AKAP1: variants seen among roughly 807,000 people sequenced by gnomAD.
The protein encoded by AKAP1 is A-kinase anchoring protein 1, also known as A-kinase anchor protein 1, mitochondrial.
Under a neutral mutation model 79.8 loss-of-function variants are expected in AKAP1, and 32 were observed. The ratio of observed to expected loss-of-function variants is 0.40; its 90% CI spans 0.30 to 0.54. The LOEUF (loss-of-function observed/expected upper bound fraction) is 0.54. Ranked by LOEUF, AKAP1 falls within the 20% of genes least tolerant of loss-of-function variation. The pLI is 0.47. For synonymous variants in AKAP1, 416 were observed against 466.7 expected, an observed-to-expected ratio of 0.89 and a Z score of 1.40; for missense variants, 961 against 1,138.9, an observed-to-expected ratio of 0.84 and a Z score of 2.25.
At chr17:57,092,298 TCTAA>T (rs1913831796) in intron 1 of AKAP1, 1 of 152,218 alleles carries the variant, frequency 6.6e-6, no homozygotes, top group African/African-American at 2.4e-5. Flanking sequence ...CTCCAGCCCA[TCTAA>T]CTGTTTCTGA....
At chr17:57,107,251 C>T in intron 2 of AKAP1, 73 bp downstream of exon 2, 1 of 1,522,938 alleles carries the variant, frequency 6.6e-7, no homozygotes, top group East Asian at 2.3e-5. Flanking sequence ...GCCAGTCTGC[C>T]TCTCCCTTCT....
Position 57,116,183 on chromosome 17 carries a change from A to T in AKAP1, c.2354A>T (p.Glu785Val). Residue 785 changes from glutamate to valine, a missense_variant, in exon 7 of 11, where the codon GAG becomes GTG. Around this residue, in one of 3 missense-constraint regions of AKAP1, gnomAD observed 629 missense variants for 781.1 expected, o/e 0.81. Transcript: ENST00000337714. ...WRAQVVASYE[E>V]TNEVEIRYVD... ...GCCCAAGTGGTTGCCTCCTACGAGG[A>T]GACCAACGAAGTGGAGATTCGATAC... is the stretch of plus-strand genomic sequence containing the variant. 6.2e-7 allele frequency: 1 copy of T among 1,614,184 alleles called. No homozygotes were observed. The highest frequency in any genetic ancestry group is 8.5e-7 in the Non-Finnish European group (1 of 1,180,036).
chr17:57,095,760 T>A (rs1914073027), intron 1 of AKAP1: 1 of 152,222 alleles, frequency 6.6e-6, no homozygotes. Context: ...ATGTCTTTAC[T>A]GGCTTTTAAG....
Position 57,106,156 on chromosome 17 carries a change from G to A in AKAP1, c.692G>A (p.Ser231Asn). 1 of 1,611,678 alleles carries A rather than the reference G, an allele frequency of 6.2e-7. No homozygotes were observed. Among genetic ancestry groups the A allele is most frequent in the Non-Finnish European group, 8.5e-7 (1 of 1,178,452 alleles). Residue 231 changes from serine (S) to asparagine (N), a missense_variant, in exon 2 of 11, where the codon AGC becomes AAC. Ser to Asn is a conservative substitution (Grantham distance 46). This residue lies in a region of AKAP1 where 224 missense variants were observed against 210.2 expected (regional missense o/e 1.07). Transcript: ENST00000337714. ...GAGCATGTCTTGGAATTGGAGAACA[G>A]CAAGGGCCCCAGCCTGGCCTCTTTA... is the stretch of plus-strand genomic sequence containing the variant. ...SREHVLELEN[S>N]KGPSLASLEG...
chr17:57,115,896 C>G (rs1354467832), intron 6 of AKAP1, among the ~76,000 whole-genome samples: 1 of 152,200 alleles, frequency 6.6e-6, no homozygotes, highest in Non-Finnish European at 1.5e-5. Context: ...GGGCGGCACA[C>G]TTGCTAGGCT....
intron 1 of AKAP1, among the ~76,000 whole-genome samples, chr17:57,103,674 G>A (rs1340953456): frequency 3.3e-5 from 5 of 152,218 alleles, no homozygotes. Context: ...TCAGTTGAAG[G>A]ATTTTTGGTT....
At chr17:57,110,216 G>A in intron 3 of AKAP1, 58 bp downstream of exon 3, 3 of 1,599,298 alleles carry the variant, frequency 1.9e-6, no homozygotes, top group Non-Finnish European at 2.6e-6. Context: ...CCTGGGGCCA[G>A]GGCCATTAGA....
At chr17:57,102,298 T>C (rs1486743015) in intron 1 of AKAP1, among the ~76,000 whole-genome samples, 1 of 152,006 alleles carries the variant, frequency 6.6e-6, no homozygotes, top group Non-Finnish European at 1.5e-5. Flanking sequence ...GATTTCAGAG[T>C]TGTAGGATGT....
chr17:57,095,702 T>G (rs1328453728), intron 1 of AKAP1: 1 of 152,226 alleles, frequency 6.6e-6, no homozygotes, highest in Non-Finnish European at 1.5e-5. Flanking sequence ...GTTTTGCCCA[T>G]GTGAGGTGCT....
intron 1 of AKAP1, chr17:57,092,649 G>C (rs1913852538): frequency 6.6e-6 from 1 of 152,198 alleles, no homozygotes; most frequent in African/African-American, 2.4e-5. Context: ...CATGCTACCA[G>C]CCACAGAGGC....
intron 1 of AKAP1, among the ~76,000 whole-genome samples, chr17:57,087,714 CT>C (rs886797667): frequency 6.6e-6 from 1 of 152,188 alleles, no homozygotes; most frequent in Admixed American, 6.5e-5. Context: ...AAAAGCACCC[CT>C]CTCCTTAGCC....
At chr17:57,100,925 A>G (rs1211565041) in intron 1 of AKAP1, among the ~76,000 whole-genome samples, 1 of 152,214 alleles carries the variant, frequency 6.6e-6, no homozygotes, top group Non-Finnish European at 1.5e-5. Flanking sequence ...GGTACTCAGG[A>G]GGCTGAGGCA....
chr17:57,115,264 C>G (rs980397934), intron 6 of AKAP1, among the ~76,000 whole-genome samples: 1 of 152,198 alleles, frequency 6.6e-6, no homozygotes, highest in Non-Finnish European at 1.5e-5. Context: ...TCACTCAGTG[C>G]AGTAGAAAAC....
At position 57,086,388 on chromosome 17, in the gene AKAP1, G is replaced by GA. The variant is rs757609197; in HGVS notation, c.-25+993dup. The GA allele has an allele frequency of 6.6e-6, 3 of 455,598 alleles. No individual in the cohort carries two copies. The highest frequency in any genetic ancestry group is 7.0e-5 in the East Asian group (1 of 14,246). 28.2% of individuals were successfully genotyped at this position (455,598 alleles called of 1,614,324 possible). A position where few individuals can be genotyped will look rare whatever the true frequency, so the allele number is the denominator to read the frequency against. ...TCCCTTCCAGGGAGGGATAGGAGAAGAAAGGTGCTGATCGTGGTAGGCGGT... is the reference window on the plus strand; with the variant it reads ...TCCCTTCCAGGGAGGGATAGGAGAAGAAAAGGTGCTGATCGTGGTAGGCGGT... On this transcript the variant is annotated intron_variant, in intron 1 of 10. Transcript: ENST00000337714. The surrounding 1 kb of genome is among the most constrained non-coding windows in gnomAD (Gnocchi z 5.1).
intron 1 of AKAP1, chr17:57,095,556 T>G (rs1418941883): frequency 6.6e-6 from 1 of 151,346 alleles, no homozygotes; most frequent in African/African-American, 2.4e-5. Context: ...GATTAATTTG[T>G]GTCCCACCAT....
chr17:57,085,547 C>T (rs1913389883), intron 1 of AKAP1, 149 bp downstream of exon 1: 1 of 152,294 alleles, frequency 6.6e-6, no homozygotes, highest in African/African-American at 2.4e-5. Flanking sequence ...CAGAGGTGTC[C>T]TGGGGGCTCT....
At position 57,120,570 on chromosome 17, in the gene AKAP1, TAAA is replaced by T. The variant is rs5821162; in HGVS notation, c.*261_*263del. ...TGGCTTATGCTGGTTCTCAGCTGTTTAAAAAAAAAAAAAAAAAGGAATAGAAAC... is the reference window on the plus strand; with the variant it reads ...TGGCTTATGCTGGTTCTCAGCTGTTTAAAAAAAAAAAAAAGGAATAGAAAC... On this transcript the variant is annotated 3_prime_UTR_variant, in exon 11 of 11. Coordinates refer to ENST00000337714, the MANE Select transcript of AKAP1 (RefSeq NM_003488.4). 867 of 220,402 alleles carry T rather than the reference TAAA, an allele frequency of 3.9e-3. No homozygotes were observed. Among genetic ancestry groups the T allele is most frequent in the South Asian group, 6.4e-3 (43 of 6,670 alleles). The allele number at this position is 220,402 out of a possible 1,614,324, so 13.7% of individuals were successfully genotyped here.
chr17:57,108,145 T>C, intron 2 of AKAP1: 1 of 644,872 alleles, frequency 1.6e-6, no homozygotes, highest in Non-Finnish European at 2.1e-6. Context: ...CTCTCTGACT[T>C]GTTTGTCCTG....
chr17:57,103,548 C>T (rs1462730861), intron 1 of AKAP1, among the ~76,000 whole-genome samples: 3 of 152,214 alleles, frequency 2.0e-5, no homozygotes, highest in African/African-American at 4.8e-5. Context: ...TTTAAAAGTA[C>T]TGATGTTCTG....
Sources: allele counts gnomAD v4.1 joint callset (sites outside exome capture counted in the v4.1 genomes callset), GRCh38; gene constraint gnomAD v4.1.1; regional missense constraint gnomAD v4.1.1; non-coding constraint Gnocchi (gnomAD v3.1); transcripts MANE v1.5; gene names NCBI Gene and HGNC (gene_info 2026-07-23, HGNC 2026-07-21).